BAZ1A: variants seen among roughly 807,000 people sequenced by gnomAD.
BAZ1A encodes the protein bromodomain adjacent to zinc finger domain 1A.
BAZ1A carries 50 observed loss-of-function variants against 185.2 expected under a neutral mutation model. The ratio of observed to expected loss-of-function variants is 0.27; its 90% CI spans 0.22 to 0.34. The LOEUF (loss-of-function observed/expected upper bound fraction) is 0.34, where lower values mean the gene tolerates loss of function less well. Among genes scored for constraint, BAZ1A ranks in the 10% least tolerant of loss-of-function variants. BAZ1A has a pLI of 1.00. For missense variants in BAZ1A, 1,356 were observed against 1,839.9 expected, an observed-to-expected ratio of 0.74 and a Z score of 4.81; for synonymous variants, 571 against 615.6, an observed-to-expected ratio of 0.93 and a Z score of 1.07.
At chr14:34,818,894 C>A (rs2042043458) in intron 4 of BAZ1A, among the ~76,000 whole-genome samples, 1 of 152,200 alleles carries the variant, frequency 6.6e-6, no homozygotes. Flanking sequence ...GTAATACCAG[C>A]ACTTTGGGAG....
chr14:34,768,014 T>C (rs972824666), intron 21 of BAZ1A, among the ~76,000 whole-genome samples: 4 of 152,200 alleles, frequency 2.6e-5, no homozygotes, highest in African/African-American at 7.2e-5. Context: ...AGTACTGATA[T>C]AAGGATAGAA....
chr14:34,859,387 T>C (rs558686758), intron 3 of BAZ1A, among the ~76,000 whole-genome samples: 56 of 150,736 alleles, frequency 3.7e-4, no homozygotes, highest in African/African-American at 1.1e-3. Context: ...TGAGTTCTGA[T>C]TGTACCACTG....
chr14:34,807,652 G>A, intron 5 of BAZ1A, 114 bp from the exon 6 acceptor site: 1 of 631,010 alleles, frequency 1.6e-6, no homozygotes, highest in Non-Finnish European at 2.7e-6. Flanking sequence ...AGGAATCAAA[G>A]GACACACTTC....
intron 3 of BAZ1A, among the ~76,000 whole-genome samples, chr14:34,844,774 C>T (rs931993197): frequency 5.7e-5 from 2 of 34,900 alleles, no homozygotes; most frequent in Non-Finnish European, 2.2e-4. Flanking sequence ...CACACACACA[C>T]GCGCACACAC....
chr14:34,847,364 C>T (rs148934746), intron 3 of BAZ1A, among the ~76,000 whole-genome samples: 2 of 151,578 alleles, frequency 1.3e-5, no homozygotes, highest in African/African-American at 4.8e-5. Context: ...GTAGTATATA[C>T]AGAAGGAGCA....
intron 2 of BAZ1A, among the ~76,000 whole-genome samples, chr14:34,872,956 T>C (rs1566608945): frequency 8.0e-6 from 1 of 125,512 alleles, no homozygotes; most frequent in Non-Finnish European, 1.7e-5. Flanking sequence ...TCCAATTACC[T>C]AATCCAAGTT....
intron 12 of BAZ1A, among the ~76,000 whole-genome samples, chr14:34,788,155 T>C (rs940115737): frequency 1.3e-4 from 20 of 151,754 alleles, no homozygotes; most frequent in Non-Finnish European, 1.0e-4. Context: ...GTAGCTGGGA[T>C]TACAGGCACC....
chr14:34,768,772 C>A (rs1306979970), intron 21 of BAZ1A: 1 of 407,682 alleles, frequency 2.5e-6, no homozygotes, highest in Admixed American at 2.9e-5. Flanking sequence ...TTATTAATTT[C>A]TGTTTTACCT....
intron 4 of BAZ1A, among the ~76,000 whole-genome samples, chr14:34,818,732 G>A (rs1008825367): frequency 5.9e-5 from 9 of 152,106 alleles, no homozygotes; most frequent in Admixed American, 3.9e-4. Context: ...TGTATACACC[G>A]TGTATATGCC....
In BAZ1A at chr14:34,797,756, G is replaced by A. The variant is rs565482380; in HGVS notation, c.1129-1991C>T. Among the ~76,000 whole-genome samples, 53 of 152,326 alleles carry A rather than the reference G, an allele frequency of 3.5e-4. No individual in the cohort carries two copies. In the South Asian group the frequency reaches 0.011, roughly 31 times the overall value. ...CAGCGTGATCAATGCAGAAGACGGTGATTTCTGCATTTCCAACTGAGGTAC... is the reference window on the plus strand; with the variant it reads ...CAGCGTGATCAATGCAGAAGACGGTAATTTCTGCATTTCCAACTGAGGTAC... On this transcript the variant is annotated intron_variant, in intron 9 of 26. Coordinates refer to ENST00000360310, the MANE Select transcript of BAZ1A (RefSeq NM_013448.3).
intron 2 of BAZ1A, among the ~76,000 whole-genome samples, chr14:34,872,899 T>A (rs1395172035): frequency 8.4e-6 from 1 of 118,794 alleles, no homozygotes; most frequent in Non-Finnish European, 1.7e-5. Context: ...GCAAGGCCTG[T>A]AGCTTTAAAA....
intron 3 of BAZ1A, among the ~76,000 whole-genome samples, chr14:34,845,057 A>T (rs2138771752): frequency 6.6e-6 from 1 of 152,220 alleles, no homozygotes; most frequent in East Asian, 1.9e-4. Flanking sequence ...GACCATATGG[A>T]CCACAAAGCC....
intron 3 of BAZ1A, among the ~76,000 whole-genome samples, chr14:34,847,630 C>T (rs1365065092): frequency 6.6e-6 from 1 of 152,138 alleles, no homozygotes; most frequent in Admixed American, 6.6e-5. Flanking sequence ...ATATTTAAAT[C>T]AAAATAACTG....
At chr14:34,762,319 T>A in intron 23 of BAZ1A, 96 bp from the exon 24 acceptor site, 1 of 1,212,604 alleles carries the variant, frequency 8.2e-7, no homozygotes, top group Non-Finnish European at 1.2e-6. Context: ...AATGAGTTTA[T>A]ACAAATTTTC....
chr14:34,785,817 C>T lies in BAZ1A; in HGVS notation c.1791G>A (p.Val597=). 1 of 1,614,038 alleles carries T rather than the reference C, an allele frequency of 6.2e-7. No individual in the cohort carries two copies. ...MELRLSNPSL[V]KKLSSTSVYD... ...ACACTGAGGTGCTTGACAGTTTCTT[C>T]ACTAGACTGGGATTGCTCAAACGAA... The change falls in exon 14 of 27, where the codon GTG becomes GTA. Residue 597 remains valine (V), a synonymous_variant. Transcript: ENST00000360310.
In BAZ1A at chr14:34,780,265, G is replaced by T; in HGVS notation, c.2157C>A (p.Asp719Glu). 2 of 1,613,326 alleles carry T rather than the reference G, an allele frequency of 1.2e-6. No individual in the cohort carries two copies. Among genetic ancestry groups the T allele is most frequent in the Non-Finnish European group, 1.7e-6 (2 of 1,179,672 alleles). The change falls in exon 17 of 27, where the codon GAC (aspartate) becomes GAA (glutamate). Residue 719 changes from aspartate (D) to glutamate (E), a missense_variant. This residue lies in a region of BAZ1A where 434 missense variants were observed against 561.7 expected (regional missense o/e 0.77). Coordinates refer to ENST00000360310, the MANE Select transcript of BAZ1A (RefSeq NM_013448.3). ...EDFDTSIESK[D>E]TEQKELDQDM... ...CTTGATCTAATTCCTTTTGCTCTGT[G>T]TCTTTGCTCTCAATGCTAGTATCAA...
Position 34,792,847 on chromosome 14 carries a change from C to T in BAZ1A, c.1438G>A (p.Ala480Thr). Residue 480 changes from alanine (A) to threonine (T), a missense_variant, in exon 12 of 27, where the codon GCA (alanine) becomes ACA (threonine). By Grantham distance (58) the Ala-to-Thr change is moderately conservative (BLOSUM62 0). This residue lies in a region of BAZ1A where 184 missense variants were observed against 355.1 expected (regional missense o/e 0.52). Transcript: ENST00000360310. ...TCTTCAGCTATTGCCTGGAAGATTG[C>T]AGTCAGGAAGAAAAAAAGCAATTCA... ...LCELLFFFLT[A>T]IFQAIAEEEE... The T allele has an allele frequency of 6.2e-7, 1 of 1,613,786 alleles. No individual in the cohort carries two copies.
At chr14:34,802,718 CACTT>C (rs1403107956) in intron 7 of BAZ1A, 132 bp downstream of exon 7, 2 of 867,838 alleles carry the variant, frequency 2.3e-6, no homozygotes, top group Non-Finnish European at 3.4e-6. Flanking sequence ...ATATAGTACA[CACTT>C]ACATACTTTT....
chr14:34,811,544 T>C (rs1045264305), intron 4 of BAZ1A, among the ~76,000 whole-genome samples: 2 of 152,084 alleles, frequency 1.3e-5, no homozygotes, highest in Non-Finnish European at 2.9e-5. Context: ...GAGTGCAGCC[T>C]CAAACTCCTG....
Sources: allele counts gnomAD v4.1 joint callset (sites outside exome capture counted in the v4.1 genomes callset), GRCh38; gene constraint gnomAD v4.1.1; regional missense constraint gnomAD v4.1.1; transcripts MANE v1.5; gene names NCBI Gene and HGNC (gene_info 2026-07-23, HGNC 2026-07-21).